ADGRL1: variants seen among roughly 807,000 people sequenced by gnomAD.
ADGRL1 encodes adhesion G protein-coupled receptor L1, also known as CIRL-1.
A neutral mutation model predicts 148.9 loss-of-function variants in ADGRL1; 31 were observed. The observed-to-expected ratio is 0.21, with a 90% CI of 0.16 to 0.28. The LOEUF (loss-of-function observed/expected upper bound fraction) is 0.28, where lower values mean the gene tolerates loss of function less well. ADGRL1 is among the 10% of genes least tolerant of loss of function. The pLI, the probability that ADGRL1 is intolerant of heterozygous loss-of-function variation, is 1.00. For synonymous variants in ADGRL1, 937 were observed against 900.3 expected (o/e 1.04, Z -0.73); for missense variants, 1,521 against 2,058.8 (o/e 0.74, Z 5.05).
chr19:14,167,806 G>C (rs766788017), intron 4 of ADGRL1, among the ~76,000 whole-genome samples: 1 of 152,086 alleles, frequency 6.6e-6, no homozygotes, highest in African/African-American at 2.4e-5. Flanking sequence ...GACAGCAAGT[G>C]GGGGCACAGA....
rs919118913 is a variant in ADGRL1 at position 14,151,011 on chromosome 19, T to C, written c.4272A>G (p.Pro1424=). 4.1e-6 allele frequency: 5 copies of C among 1,219,526 alleles called. No homozygotes were observed. In the African/African-American group the frequency reaches 8.8e-5, roughly 21 times the overall value. The allele number at this position is 1,219,526 out of a possible 1,614,324, so 75.5% of individuals were successfully genotyped here. A position where few individuals can be genotyped will look rare whatever the true frequency, so the allele number is the denominator to read the frequency against. The change falls in exon 23 of 23, where the codon CCA becomes CCG. Residue 1424 remains proline (P), a synonymous_variant. Coordinates refer to ENST00000361434, the MANE Select transcript of ADGRL1 (RefSeq NM_014921.5). ...GCAGGGGATTCCGGGCCACCAGGGC[T>C]GGCGGGCGCGAGGTGTAGTAGATTT... is the stretch of plus-strand genomic sequence containing the variant. The part of the protein sequence containing the change: ...PPEIYYTSRP[P]ALVARNPLQG...
chr19:14,199,212 C>A (rs919401580), intron 1 of ADGRL1, among the ~76,000 whole-genome samples: 1 of 152,182 alleles, frequency 6.6e-6, no homozygotes, highest in African/African-American at 2.4e-5. Context: ...TGTCTCTCCA[C>A]GGGGGAGCTG....
chr19:14,166,189 A>G (rs1457971545), intron 4 of ADGRL1, among the ~76,000 whole-genome samples: 1 of 151,738 alleles, frequency 6.6e-6, no homozygotes, highest in Non-Finnish European at 1.5e-5. Flanking sequence ...AGAAACAGAG[A>G]ACACGCTCCC....
At chr19:14,158,180 T>A in intron 12 of ADGRL1, 128 bp from the exon 13 acceptor site, 1 of 1,242,880 alleles carries the variant, frequency 8.0e-7, no homozygotes. Context: ...GGGGCTCCAG[T>A]TGACATTCTG....
rs41276898 is a variant in ADGRL1 at position 14,158,467 on chromosome 19, T to G, written c.2235A>C (p.Glu745Asp). ...CGCCCCCAGGGCCACCCGGGCCTGC[T>G]TCGCCGGCCAGCTTCACTGTGGCAT... ...TENATVKLAG[E>D]AGPGGPGGAS... Residue 745 changes from glutamate (E) to aspartate (D), a missense_variant, in exon 12 of 23, where the codon GAA (glutamate) becomes GAC (aspartate). Coordinates refer to ENST00000361434, the MANE Select transcript of ADGRL1 (RefSeq NM_014921.5). 35,378 of 1,613,876 alleles carry G rather than the reference T, an allele frequency of 0.022. 1,518 individuals are homozygous for G. Among genetic ancestry groups the G allele is most frequent in the African/African-American group, 0.18 (13,803 of 75,026 alleles).
intron 2 of ADGRL1, among the ~76,000 whole-genome samples, chr19:14,182,254 A>G (rs922410540): frequency 2.4e-4 from 37 of 152,156 alleles, no homozygotes; most frequent in African/African-American, 8.9e-4. Flanking sequence ...TGTTATTATG[A>G]ATATTATTAA....
intron 1 of ADGRL1, among the ~76,000 whole-genome samples, chr19:14,195,145 A>G (rs1339882927): frequency 1.3e-5 from 2 of 151,982 alleles, no homozygotes; most frequent in Admixed American, 6.6e-5. Flanking sequence ...TCAGCCTCCC[A>G]AAGTGCTGGG....
Position 14,155,519 on chromosome 19 carries a change from G to A in ADGRL1, c.3134C>T (p.Ala1045Val), listed in dbSNP as rs755607962. ...GAACAGCAGCGCGATGGCCCCCAGCGCCCAGGATCTGGGAGTGGGGCGACA... is the reference window on the plus strand; with the variant it reads ...GAACAGCAGCGCGATGGCCCCCAGCACCCAGGATCTGGGAGTGGGGCGACA... ...SSRLDNIKSWALGAIALLFLL... is the reference protein window; with the variant it reads ...SSRLDNIKSWVLGAIALLFLL... Residue 1045 changes from alanine (A) to valine (V), a missense_variant, in exon 18 of 23, where the codon GCG becomes GTG. By Grantham distance (64) the Ala-to-Val change is moderately conservative. This residue lies in a region of ADGRL1 where 185 missense variants were observed against 251.7 expected (regional missense o/e 0.74). Coordinates refer to ENST00000361434, the MANE Select transcript of ADGRL1 (RefSeq NM_014921.5). The surrounding 1 kb of genome is among the most constrained non-coding windows in gnomAD (Gnocchi z 5.0). 7.4e-6 allele frequency: 12 copies of A among 1,612,486 alleles called. No individual in the cohort carries two copies. Among genetic ancestry groups the A allele is most frequent in the Middle Eastern group, 1.7e-4 (1 of 5,914 alleles).
At chr19:14,205,317 G>A (rs1386329694) in intron 1 of ADGRL1, among the ~76,000 whole-genome samples, 1 of 151,958 alleles carries the variant, frequency 6.6e-6, no homozygotes, top group Non-Finnish European at 1.5e-5. Flanking sequence ...GGCCTCCCGT[G>A]CTTTAACCCG....
Position 14,157,798 on chromosome 19 carries a change from C to A in ADGRL1, c.2535+84G>T. 3 of 1,504,306 alleles carry A rather than the reference C, an allele frequency of 2.0e-6. No homozygotes were observed. The South Asian group carries it at 3.8e-5, about 19-fold the overall frequency. 93.2% of individuals were successfully genotyped at this position (1,504,306 alleles called of 1,614,324 possible). On this transcript the variant is annotated intron_variant, in intron 13 of 22. Transcript: ENST00000361434. The surrounding 1 kb of genome is among the most constrained non-coding windows in gnomAD (Gnocchi z 7.5). The stretch of plus-strand genomic sequence containing the variant: ...CCCATGGGGCTAGCCTCCCCTGGTA[C>A]TGCCCGTGATCTCTCTAGGATGCCA...
In ADGRL1 at chr19:14,151,633, G is replaced by A. The variant is rs1457372385; in HGVS notation, c.3668-18C>T. On this transcript the variant is annotated intron_variant, in intron 22 of 22. Transcript: ENST00000361434. ...GGGGTGCTCTGCAGGGCAGAAAGGG[G>A]CTGGTCAGGTTGAAGAGGGGCCCTG... 3 of 1,573,136 alleles carry A rather than the reference G, an allele frequency of 1.9e-6. No homozygotes were observed. Among genetic ancestry groups the A allele is most frequent in the African/African-American group, 1.4e-5 (1 of 73,916 alleles).
intron 2 of ADGRL1, among the ~76,000 whole-genome samples, chr19:14,181,948 G>A (rs574203365): frequency 1.3e-5 from 2 of 152,286 alleles, no homozygotes; most frequent in African/African-American, 4.8e-5. Flanking sequence ...ACAAGGAAGG[G>A]ACATGTTCTG....
At chr19:14,205,306 C>T (rs968571801) in intron 1 of ADGRL1, among the ~76,000 whole-genome samples, 12 of 152,136 alleles carry the variant, frequency 7.9e-5, no homozygotes, top group Admixed American at 5.9e-4. Flanking sequence ...TCAAACCTGC[C>T]GGCCTCCCGT....
intron 1 of ADGRL1, chr19:14,190,973 A>C: frequency 2.5e-6 from 1 of 406,808 alleles, no homozygotes; most frequent in Non-Finnish European, 5.0e-6. Flanking sequence ...CTGTAATCTC[A>C]GCTACTCGGG....
At position 14,177,708 on chromosome 19, in the gene ADGRL1, C is replaced by T. The variant is rs769066807; in HGVS notation, c.107G>A (p.Arg36His). Residue 36 changes from arginine (R) to histidine (H), a missense_variant, in exon 3 of 23, where the codon CGC becomes CAC. Physicochemically the swap from Arg to His is conservative, Grantham distance 29. This residue lies in a region of ADGRL1 where 334 missense variants were observed against 512.5 expected (regional missense o/e 0.65). Transcript: ENST00000361434. ...SRAGLPFGLM[R>H]RELACEGYPI... ...GTAGCCTTCACACGCCAGCTCCCGGCGCATCAGCCCGAACGGGAGCCCGGC... is the reference window on the plus strand; with the variant it reads ...GTAGCCTTCACACGCCAGCTCCCGGTGCATCAGCCCGAACGGGAGCCCGGC... 6 of 1,613,508 alleles carry T rather than the reference C, an allele frequency of 3.7e-6. No homozygotes were observed. Among genetic ancestry groups the T allele is most frequent in the East Asian group, 2.2e-5 (1 of 44,892 alleles).
intron 2 of ADGRL1, among the ~76,000 whole-genome samples, chr19:14,178,894 C>A (rs1971000846): frequency 6.6e-6 from 1 of 152,046 alleles, no homozygotes; most frequent in South Asian, 2.1e-4. Context: ...ATCTATAAGC[C>A]AAGGAGAGGC....
chr19:14,181,692 C>A (rs1330759034), intron 2 of ADGRL1, among the ~76,000 whole-genome samples: 1 of 152,164 alleles, frequency 6.6e-6, no homozygotes, highest in African/African-American at 2.4e-5. Context: ...TGCACTCCAG[C>A]CTGGGCGACA....
At chr19:14,167,298 A>G (rs1014331748) in intron 4 of ADGRL1, among the ~76,000 whole-genome samples, 1 of 151,452 alleles carries the variant, frequency 6.6e-6, no homozygotes, top group African/African-American at 2.4e-5. Context: ...CACACACAGG[A>G]GGGAGAAGAC....
At chr19:14,158,234 C>A in intron 12 of ADGRL1, 104 bp downstream of exon 12, 3 of 1,325,618 alleles carry the variant, frequency 2.3e-6, no homozygotes, top group Non-Finnish European at 3.2e-6. Flanking sequence ...GTGGAAGAAC[C>A]CATAACTTGT....
Sources: allele counts gnomAD v4.1 joint callset (sites outside exome capture counted in the v4.1 genomes callset), GRCh38; gene constraint gnomAD v4.1.1; regional missense constraint gnomAD v4.1.1; non-coding constraint Gnocchi (gnomAD v3.1); transcripts MANE v1.5; gene names NCBI Gene and HGNC (gene_info 2026-07-23, HGNC 2026-07-21).